MAP4K5: variants seen among roughly 807,000 people sequenced by gnomAD.
The protein encoded by MAP4K5 is mitogen-activated protein kinase kinase kinase kinase 5.
In MAP4K5, 82 loss-of-function variants were observed where a neutral mutation model predicts 135.6. The ratio of observed to expected loss-of-function variants is 0.60; its 90% confidence interval spans 0.51 to 0.73. The LOEUF is 0.73. Ranked by LOEUF, MAP4K5 falls within the 30% of genes least tolerant of loss-of-function variation. MAP4K5 has a pLI of 0.00. For synonymous variants in MAP4K5, 347 were observed against 335.0 expected, an observed-to-expected ratio of 1.04 and a Z score of -0.39; for missense variants, 907 against 1,010.9, an observed-to-expected ratio of 0.90 and a Z score of 1.39.
chr14:50,445,025 A>G lies in MAP4K5; in HGVS notation c.1339+16T>C, dbSNP rs559490095. 1 of 1,608,266 alleles carries G rather than the reference A, an allele frequency of 6.2e-7. No individual in the cohort carries two copies. Among genetic ancestry groups the G allele is most frequent in the East Asian group, 2.2e-5 (1 of 44,764 alleles). On this transcript the variant is annotated intron_variant, in intron 18 of 32. Transcript: ENST00000682126. The stretch of plus-strand genomic sequence containing the variant: ...AGCCATATGTACCCCATGGCTGCTA[A>G]TAATGCTAGCCATACCAATAGAAGA...
chr14:50,521,725 G>C (rs1246596450), intron 2 of MAP4K5, among the ~76,000 whole-genome samples: 1 of 152,190 alleles, frequency 6.6e-6, no homozygotes, highest in East Asian at 1.9e-4. Context: ...ACTATCAGCT[G>C]GGCTTCCCAC....
chr14:50,493,558 A>C (rs779864215), intron 3 of MAP4K5, among the ~76,000 whole-genome samples: 1 of 152,198 alleles, frequency 6.6e-6, no homozygotes, highest in Non-Finnish European at 1.5e-5. Flanking sequence ...AGAAAATCCT[A>C]AAGTCCATTA....
At chr14:50,447,050 TAC>T (rs1247174572) in intron 16 of MAP4K5, among the ~76,000 whole-genome samples, 2 of 152,188 alleles carry the variant, frequency 1.3e-5, no homozygotes, top group Non-Finnish European at 2.9e-5. Flanking sequence ...GCAATTGCAG[TAC>T]ACAGACAGGT....
intron 2 of MAP4K5, among the ~76,000 whole-genome samples, chr14:50,538,282 T>C (rs1343456873): frequency 6.6e-6 from 1 of 152,218 alleles, no homozygotes; most frequent in Non-Finnish European, 1.5e-5. Context: ...ATTGTGAGGC[T>C]TTCCCTGCCA....
intron 21 of MAP4K5, among the ~76,000 whole-genome samples, chr14:50,442,215 C>T (rs896637537): frequency 2.6e-5 from 4 of 151,974 alleles, no homozygotes; most frequent in Non-Finnish European, 5.9e-5. Flanking sequence ...TCCTAAATAC[C>T]TGTAACACAA....
At chr14:50,523,995 C>T (rs1298412743) in intron 2 of MAP4K5, among the ~76,000 whole-genome samples, 2 of 152,188 alleles carry the variant, frequency 1.3e-5, no homozygotes, top group African/African-American at 2.4e-5. Context: ...GAGGTTTTTA[C>T]ATTTATCCCC....
chr14:50,488,425 T>C (rs541197529), intron 3 of MAP4K5, among the ~76,000 whole-genome samples: 5 of 152,304 alleles, frequency 3.3e-5, no homozygotes, highest in African/African-American at 1.2e-4. Context: ...CTACTCACTT[T>C]TAAATGTGCA....
chr14:50,529,011 A>C (rs59230713), intron 2 of MAP4K5, among the ~76,000 whole-genome samples: 8,208 of 152,258 alleles, frequency 0.054, 197 homozygotes, highest in Middle Eastern at 0.075. Flanking sequence ...ACTATAAAAT[A>C]GTTTTTCAGA....
At position 50,419,329 on chromosome 14, in the gene MAP4K5, C is replaced by T. The variant is rs895286931; in HGVS notation, c.*690G>A. ...ACTATCTGTAGTTGAAAACATAAGA[C>T]TCCCTTTTAAGGTAATTCTGTATGA... is the stretch of plus-strand genomic sequence containing the variant. On this transcript the variant is annotated 3_prime_UTR_variant, in exon 33 of 33. Transcript: ENST00000682126. The T allele has an allele frequency of 1.3e-5, 2 of 152,186 alleles. No homozygotes were observed. The highest frequency in any genetic ancestry group is 4.8e-5 in the African/African-American group (2 of 41,434). The allele number at this position is 152,186 out of a possible 1,614,324, so 9.4% of individuals were successfully genotyped here. A position where few individuals can be genotyped will look rare whatever the true frequency, so the allele number is the denominator to read the frequency against.
At chr14:50,441,427 C>T (rs1194142639) in intron 21 of MAP4K5, among the ~76,000 whole-genome samples, 2 of 152,000 alleles carry the variant, frequency 1.3e-5, no homozygotes, top group Admixed American at 6.6e-5. Context: ...CTGTGTTATT[C>T]CCATCAAAAA....
At chr14:50,443,792 C>T (rs747405420) in intron 19 of MAP4K5, 22 bp from the exon 20 acceptor site, 88 of 1,588,984 alleles carry the variant, frequency 5.5e-5, no homozygotes, top group Non-Finnish European at 7.3e-5. Flanking sequence ...ATAAAATTTA[C>T]TAGTGTAAGA....
intron 3 of MAP4K5, among the ~76,000 whole-genome samples, chr14:50,488,207 C>G (rs1417526809): frequency 6.6e-6 from 1 of 152,108 alleles, no homozygotes; most frequent in Non-Finnish European, 1.5e-5. Flanking sequence ...CAGGAACTGT[C>G]AGACACTTAT....
intron 2 of MAP4K5, among the ~76,000 whole-genome samples, chr14:50,527,374 C>T (rs1385864935): frequency 2.7e-5 from 4 of 150,906 alleles, no homozygotes; most frequent in Non-Finnish European, 5.9e-5. Flanking sequence ...TACACCACTG[C>T]ACTCTAGCCT....
At chr14:50,487,164 T>G (rs1461307826) in intron 3 of MAP4K5, among the ~76,000 whole-genome samples, 1 of 152,172 alleles carries the variant, frequency 6.6e-6, no homozygotes, top group African/African-American at 2.4e-5. Context: ...AAAAATTAGC[T>G]GAGCATAGTG....
At chr14:50,476,804 T>A (rs2037110625) in intron 6 of MAP4K5, among the ~76,000 whole-genome samples, 1 of 152,206 alleles carries the variant, frequency 6.6e-6, no homozygotes, top group South Asian at 2.1e-4. Context: ...CAGAAATATT[T>A]CACTAAACAC....
At chr14:50,441,060 G>C (rs2036213953) in intron 21 of MAP4K5, among the ~76,000 whole-genome samples, 1 of 152,128 alleles carries the variant, frequency 6.6e-6, no homozygotes, top group African/African-American at 2.4e-5. Flanking sequence ...AAATAATAGA[G>C]ATAGATCATA....
intron 10 of MAP4K5, among the ~76,000 whole-genome samples, chr14:50,467,945 C>T (rs1391661423): frequency 6.6e-6 from 1 of 152,080 alleles, no homozygotes; most frequent in Non-Finnish European, 1.5e-5. Flanking sequence ...AACACTTTCA[C>T]CATTCTGTTA....
chr14:50,426,652 A>G (rs991421750), intron 30 of MAP4K5, among the ~76,000 whole-genome samples: 1 of 152,224 alleles, frequency 6.6e-6, no homozygotes, highest in African/African-American at 2.4e-5. Flanking sequence ...TGAACCCCAC[A>G]GGTGGAGGCT....
chr14:50,421,311 T>C (rs1029272133), intron 32 of MAP4K5, among the ~76,000 whole-genome samples: 3 of 151,974 alleles, frequency 2.0e-5, no homozygotes, highest in Non-Finnish European at 4.4e-5. Flanking sequence ...CAGGCTGGAG[T>C]GCAATGGCGT....
Sources: allele counts gnomAD v4.1 joint callset (sites outside exome capture counted in the v4.1 genomes callset), GRCh38; gene constraint gnomAD v4.1.1; transcripts MANE v1.5; gene names NCBI Gene and HGNC (gene_info 2026-07-23, HGNC 2026-07-21).